The following ATP4B variants were observed in gnomAD, a reference collection of about 807,000 sequenced individuals.
ATP4B encodes ATPase H+/K+ transporting subunit beta.
In ATP4B, 27 loss-of-function variants were observed where a neutral mutation model predicts 35.3. The ratio of observed to expected loss-of-function variants is 0.76; its 90% CI spans 0.56 to 1.05. The LOEUF (loss-of-function observed/expected upper bound fraction) is 1.05. ATP4B is among the 50% of genes least tolerant of loss of function. ATP4B has a pLI of 0.00. For missense variants in ATP4B, 375 were observed against 384.8 expected (o/e 0.97, Z 0.21); for synonymous variants, 162 against 156.0 (o/e 1.04, Z -0.29).
At position 113,651,659 on chromosome 13, in the gene ATP4B, G is replaced by A. The variant is rs557176544; in HGVS notation, c.612+12C>T. On this transcript the variant is annotated intron_variant, in intron 5 of 6. Transcript: ENST00000335288. ...CCTGGGGCAGCCCTGCCCGCCGCGCGGCCGTACTCACCAGGAAGGCGCAGT... is the reference window on the plus strand; with the variant it reads ...CCTGGGGCAGCCCTGCCCGCCGCGCAGCCGTACTCACCAGGAAGGCGCAGT... 106 of 1,607,972 alleles carry A rather than the reference G, an allele frequency of 6.6e-5. No homozygotes were observed. In the South Asian group the frequency reaches 7.1e-4, roughly 11 times the overall value.
chr13:113,653,173 A>C, intron 3 of ATP4B, 101 bp from the exon 4 acceptor site: 1 of 1,456,392 alleles, frequency 6.9e-7, no homozygotes, highest in Non-Finnish European at 9.3e-7. Flanking sequence ...TTTCTCATGA[A>C]ATAGAAAAGG....
Position 113,653,023 on chromosome 13 carries a change from C to T in ATP4B, c.405G>A (p.Gln135=). ...QEDSINCTSE[Q]YFFQESFRAP... Reference sequence around the variant, plus strand: ...CGCGGAAACTCTCCTGGAAGAAGTACTGCTCGGAGGTGCAGTTGATGCTGT... The same window carrying T: ...CGCGGAAACTCTCCTGGAAGAAGTATTGCTCGGAGGTGCAGTTGATGCTGT... The change falls in exon 4 of 7, where the codon CAG becomes CAA. Residue 135 remains glutamine (Q), a synonymous_variant. Transcript: ENST00000335288. The T allele has an allele frequency of 1.2e-6, 2 of 1,614,036 alleles. No individual in the cohort carries two copies. The highest frequency in any genetic ancestry group is 1.1e-5 in the South Asian group (1 of 91,078).
Position 113,652,898 on chromosome 13 carries a change from G to A in ATP4B, c.530C>T (p.Pro177Leu), listed in dbSNP as rs2049723164. 5 of 1,614,068 alleles carry A rather than the reference G, an allele frequency of 3.1e-6. No individual in the cohort carries two copies. The highest frequency in any genetic ancestry group is 3.4e-6 in the Non-Finnish European group (4 of 1,180,038). Residue 177 changes from proline to leucine, a missense_variant, in exon 4 of 7, where the codon CCA becomes CTA. By Grantham distance (98) the Pro-to-Leu change is moderately conservative. Transcript: ENST00000335288. ...DPNFGFEEGK[P>L]CFIIKMNRIV... Reference sequence around the variant, plus strand: ...CCTGTTCATTTTAATAATAAAACATGGCTTTCCTTCTTCAAAGCCGAAGTT... The same window carrying A: ...CCTGTTCATTTTAATAATAAAACATAGCTTTCCTTCTTCAAAGCCGAAGTT...
At chr13:113,654,670 T>G in intron 2 of ATP4B, 144 bp downstream of exon 2, 1 of 1,300,970 alleles carries the variant, frequency 7.7e-7, no homozygotes, top group Non-Finnish European at 1.0e-6. Flanking sequence ...CCTGCTGGGG[T>G]GTGTGGCTCA....
intron 5 of ATP4B, among the ~76,000 whole-genome samples, chr13:113,651,119 C>T (rs966791624): frequency 2.0e-5 from 3 of 151,826 alleles, no homozygotes; most frequent in East Asian, 1.9e-4. Flanking sequence ...AGGCTCCACG[C>T]GGTAATGGAA....
chr13:113,650,595 A>T lies in ATP4B; in HGVS notation c.613-88T>A. ...TGCGTTTGTGTGCGTGTGTGCACAC[A>T]CGCGCTGTGTAGGTGCTTGCATAAA... On this transcript the variant is annotated intron_variant, in intron 5 of 6. Coordinates refer to ENST00000335288, the MANE Select transcript of ATP4B (RefSeq NM_000705.4). The surrounding 1 kb of genome is among the most constrained non-coding windows in gnomAD (Gnocchi z 5.0). The T allele has an allele frequency of 9.8e-7, 1 of 1,016,964 alleles. No homozygotes were observed. Among genetic ancestry groups the T allele is most frequent in the Non-Finnish European group, 1.5e-6 (1 of 683,244 alleles). 63.0% of individuals were successfully genotyped at this position (1,016,964 alleles called of 1,614,324 possible).
rs115784126 is a variant in ATP4B, at chr13:113,657,197, C to T, written c.112+836G>A. Among the ~76,000 whole-genome samples the T allele has an allele frequency of 3.1e-3, 479 of 152,186 alleles. 6 individuals are homozygous for T. The highest frequency in any genetic ancestry group is 0.011 in the African/African-American group (460 of 41,518). ...GGCCTGGGGCTTTGCATTCCCACCT[C>T]GGCTCTGGGACCCCCAGAGCCGGGC... On this transcript the variant is annotated intron_variant, in intron 1 of 6. Transcript: ENST00000335288.
intron 1 of ATP4B, among the ~76,000 whole-genome samples, chr13:113,657,587 T>G (rs1025299802): frequency 1.3e-5 from 2 of 152,206 alleles, no homozygotes; most frequent in Non-Finnish European, 2.9e-5. Flanking sequence ...CACCTCCGCA[T>G]CTGGACGCCA....
At position 113,658,045 on chromosome 13, in the gene ATP4B, G is replaced by C; in HGVS notation, c.100C>G (p.Leu34Val). ...CCCCCGCACGTACCCCACCGGGACAGGGTGCGGCCCAGCATCTGCCCCGTG... is the reference window on the plus strand; with the variant it reads ...CCCCCGCACGTACCCCACCGGGACACGGTGCGGCCCAGCATCTGCCCCGTG... Reference protein sequence around the residue: ...PDTGQMLGRTLSRWVWISLYY... With the variant: ...PDTGQMLGRTVSRWVWISLYY... Residue 34 changes from leucine to valine, a missense_variant, in exon 1 of 7, where the codon CTG (leucine) becomes GTG (valine). Leu to Val is a conservative substitution (Grantham distance 32, BLOSUM62 1). Coordinates refer to ENST00000335288, the MANE Select transcript of ATP4B (RefSeq NM_000705.4). The C allele has an allele frequency of 2.5e-6, 4 of 1,603,424 alleles. No homozygotes were observed. The highest frequency in any genetic ancestry group is 1.7e-5 in the Admixed American group (1 of 59,116).
rs979760759 is a variant in ATP4B at position 113,656,135 on chromosome 13, CAGTGGTGG to C, written c.113-1201_113-1194del. On this transcript the variant is annotated intron_variant, in intron 1 of 6. Transcript: ENST00000335288. ...TCCAGCTTCAGCAGTGTGGGGCCCG[CAGTGGTGG>C]AGGGTTTCTGTCCTGTCACTGGATC... Among the ~76,000 whole-genome samples, 19 of 152,316 alleles carry C rather than the reference CAGTGGTGG, an allele frequency of 1.2e-4. No homozygotes were observed. The East Asian group carries it at 2.3e-3, about 19-fold the overall frequency.
At chr13:113,657,947 G>T in intron 1 of ATP4B, 86 bp downstream of exon 1, 3 of 1,158,220 alleles carry the variant, frequency 2.6e-6, no homozygotes, top group Non-Finnish European at 2.4e-6. Context: ...GGGGCCCTCT[G>T]CTCCCCTCCT....
rs767213116 is a variant in ATP4B at position 113,658,057 on chromosome 13, G to A, written c.88C>T (p.Leu30=). ...YCWNPDTGQM[L]GRTLSRWVWI... ...CCCCACCGGGACAGGGTGCGGCCCA[G>A]CATCTGCCCCGTGTCCGGGTTCCAG... Residue 30 remains leucine, a synonymous_variant, in exon 1 of 7, where the codon CTG becomes TTG. Coordinates refer to ENST00000335288, the MANE Select transcript of ATP4B (RefSeq NM_000705.4). 7 of 1,607,808 alleles carry A rather than the reference G, an allele frequency of 4.4e-6. No homozygotes were observed. In the African/African-American group the frequency reaches 5.3e-5, roughly 12 times the overall value.
chr13:113,652,484 C>A (rs1372985334), intron 4 of ATP4B, among the ~76,000 whole-genome samples: 1 of 152,214 alleles, frequency 6.6e-6, no homozygotes. Flanking sequence ...CCCTAAGGGG[C>A]CCCTGGTCCC....
At chr13:113,657,072 G>A (rs781070797) in intron 1 of ATP4B, among the ~76,000 whole-genome samples, 7 of 152,188 alleles carry the variant, frequency 4.6e-5, no homozygotes, top group South Asian at 2.1e-4. Flanking sequence ...AGCCTCCAGC[G>A]GGGGCTGCAG....
intron 1 of ATP4B, among the ~76,000 whole-genome samples, chr13:113,656,634 C>T (rs562868164): frequency 1.0e-3 from 157 of 152,334 alleles, no homozygotes; most frequent in Non-Finnish European, 1.2e-3. Context: ...TCTGCCTCTC[C>T]TGCACCTGCA....
intron 1 of ATP4B, among the ~76,000 whole-genome samples, chr13:113,657,027 A>G (rs2140706512): frequency 6.6e-6 from 1 of 151,920 alleles, no homozygotes; most frequent in Non-Finnish European, 1.5e-5. Context: ...TGCGCCCATG[A>G]CTCCAGCTGG....
Position 113,658,127 on chromosome 13 carries a change from C to T in ATP4B, c.18G>A (p.Glu6=), listed in dbSNP as rs1031517608. The T allele has an allele frequency of 6.2e-7, 1 of 1,612,758 alleles. No homozygotes were observed. Among genetic ancestry groups the T allele is most frequent in the Non-Finnish European group, 8.5e-7 (1 of 1,179,764 alleles). The stretch of plus-strand genomic sequence containing the variant: ...CCATGCGCTGGCCACACGTCTTCTT[C>T]TCCTGCAGAGCCGCCATCGTCCCTG... MAALQ[E]KKTCGQRMEE... Residue 6 remains glutamate (E), a synonymous_variant, in exon 1 of 7, where the codon GAG becomes GAA. Coordinates refer to ENST00000335288, the MANE Select transcript of ATP4B (RefSeq NM_000705.4).
At position 113,654,856 on chromosome 13, in the gene ATP4B, C is replaced by G. The variant is rs1285522021; in HGVS notation, c.199G>C (p.Asp67His). Residue 67 changes from aspartate (D) to histidine (H), a missense_variant, in exon 2 of 7, where the codon GAC becomes CAC. By Grantham distance (81) the Asp-to-His change is moderately conservative. Coordinates refer to ENST00000335288, the MANE Select transcript of ATP4B (RefSeq NM_000705.4). Reference sequence around the variant, plus strand: ...TCTTGGTAGTCCGGTGTGTACGGGTCCACTGTCTGCATCAGCACATAGAGG... The same window carrying G: ...TCTTGGTAGTCCGGTGTGTACGGGTGCACTGTCTGCATCAGCACATAGAGG... Reference protein sequence around the residue: ...LCLYVLMQTVDPYTPDYQDQL... With the variant: ...LCLYVLMQTVHPYTPDYQDQL... 1.2e-6 allele frequency: 2 copies of G among 1,613,988 alleles called. No individual in the cohort carries two copies. The highest frequency in any genetic ancestry group is 2.2e-5 in the East Asian group (1 of 44,884).
At chr13:113,656,028 C>T (rs1308887894) in intron 1 of ATP4B, among the ~76,000 whole-genome samples, 1 of 152,248 alleles carries the variant, frequency 6.6e-6, no homozygotes, top group Non-Finnish European at 1.5e-5. Flanking sequence ...ACTTTGAGTC[C>T]CTCCTTTCCC....
Sources: gnomAD v4.1 joint callset for allele counts (sites outside exome capture counted in the v4.1 genomes callset) on GRCh38, gnomAD v4.1.1 for gene constraint, Gnocchi (gnomAD v3.1) non-coding constraint, MANE v1.5 for transcripts, NCBI Gene and HGNC (gene_info 2026-07-23, HGNC 2026-07-21) for gene names.